Variants in GLMN observed in about 807,000 individuals in gnomAD.
GLMN encodes glomulin.
GLMN carries 75 observed loss-of-function variants against 87.8 expected under a neutral mutation model. The ratio of observed to expected loss-of-function variants is 0.85; its 90% confidence interval spans 0.71 to 1.04. GLMN has a LOEUF of 1.04. Ranked by LOEUF, GLMN falls within the 50% of genes least tolerant of loss-of-function variation. The pLI, the probability that GLMN is intolerant of heterozygous loss-of-function variation, is 0.00. For synonymous variants in GLMN, 206 were observed against 221.6 expected, an observed-to-expected ratio of 0.93 and a Z score of 0.63; for missense variants, 588 against 658.8, an observed-to-expected ratio of 0.89 and a Z score of 1.18.
chr1:92,306,976 T>TG, the GLMN span, among the ~76,000 whole-genome samples: 3 of 152,230 alleles, frequency 2.0e-5, no homozygotes, highest in African/African-American at 7.2e-5. Context: ...TTTATGGTAG[T>TG]GGTTACTTCT....
At chr1:92,259,882 C>T (rs1195331740) in intron 16 of GLMN, among the ~76,000 whole-genome samples, 4 of 151,710 alleles carry the variant, frequency 2.6e-5, no homozygotes, top group African/African-American at 9.7e-5. Context: ...TATAGGCACC[C>T]GCCACCATGC....
chr1:92,342,789 T>C, the GLMN span, among the ~76,000 whole-genome samples: 1 of 152,082 alleles, frequency 6.6e-6, no homozygotes, highest in African/African-American at 2.4e-5. Flanking sequence ...ACCATAAGAT[T>C]TGTGGCCTGA....
At chr1:92,346,119 T>C in the GLMN span, among the ~76,000 whole-genome samples, 1 of 152,170 alleles carries the variant, frequency 6.6e-6, no homozygotes, top group African/African-American at 2.4e-5. Context: ...CCATCTTTTC[T>C]TCTGAATACC....
chr1:92,263,760 G>T, intron 14 of GLMN, 28 bp from the exon 15 acceptor site: 1 of 1,051,150 alleles, frequency 9.5e-7, no homozygotes, highest in Non-Finnish European at 1.5e-6. Context: ...AATTGAGAAA[G>T]CTTTATAATT....
the GLMN span, among the ~76,000 whole-genome samples, chr1:92,305,419 T>G: frequency 3.5e-5 from 2 of 57,306 alleles, no homozygotes; most frequent in Non-Finnish European, 2.8e-5. Flanking sequence ...GGCAACAGAG[T>G]GAGGCTCCGT....
At chr1:92,260,765 G>GAA (rs765865353) in intron 16 of GLMN, among the ~76,000 whole-genome samples, 23,193 of 99,544 alleles carry the variant, frequency 0.23, 3,650 homozygotes, top group East Asian at 0.84. Flanking sequence ...CTTTGAGATG[G>GAA]AAAAAAAAAA....
chr1:92,302,343 A>C (rs947340879), upstream of GLMN, among the ~76,000 whole-genome samples: 7 of 151,248 alleles, frequency 4.6e-5, no homozygotes, highest in Non-Finnish European at 7.4e-5. Flanking sequence ...AAAAAAAAAA[A>C]GAAAAAGCAA....
chr1:92,265,019 T>C (rs563167908), intron 13 of GLMN, among the ~76,000 whole-genome samples: 229 of 152,194 alleles, frequency 1.5e-3, no homozygotes, highest in African/African-American at 5.2e-3. Context: ...TTTTTTGTAT[T>C]TGTAGTAGAA....
the GLMN span, among the ~76,000 whole-genome samples, chr1:92,343,880 G>T: frequency 6.6e-6 from 1 of 152,140 alleles, no homozygotes; most frequent in African/African-American, 2.4e-5. Context: ...TTATTGCAAA[G>T]ATGACATAAG....
chr1:92,251,822 T>G (rs1020014530), intron 16 of GLMN, among the ~76,000 whole-genome samples: 11 of 151,820 alleles, frequency 7.2e-5, no homozygotes, highest in Admixed American at 1.3e-4. Flanking sequence ...AGATGGTGTC[T>G]TCTTGCTCTG....
chr1:92,297,171 CA>C (rs1289485180), intron 3 of GLMN, among the ~76,000 whole-genome samples: 1 of 146,008 alleles, frequency 6.8e-6, no homozygotes, highest in Non-Finnish European at 1.5e-5. Flanking sequence ...AGGCTGGTCT[CA>C]AACTCCTGGG....
chr1:92,338,648 A>AT, the GLMN span, among the ~76,000 whole-genome samples: 70,685 of 142,566 alleles, frequency 0.5, 18,309 homozygotes, highest in East Asian at 0.95. Flanking sequence ...CTGATCATTG[A>AT]TTTTTTTTTT....
intron 7 of GLMN, among the ~76,000 whole-genome samples, chr1:92,271,895 T>C (rs1024298210): frequency 6.6e-6 from 1 of 152,170 alleles, no homozygotes; most frequent in South Asian, 2.1e-4. Flanking sequence ...TCAGTAGATT[T>C]TGAGTTGGGT....
chr1:92,336,051 C>T, the GLMN span, among the ~76,000 whole-genome samples: 1 of 152,086 alleles, frequency 6.6e-6, no homozygotes, highest in Non-Finnish European at 1.5e-5. Flanking sequence ...CCATCTTGGT[C>T]TAATATTTGA....
At chr1:92,271,027 G>A (rs572489224) in intron 8 of GLMN, among the ~76,000 whole-genome samples, 2 of 151,806 alleles carry the variant, frequency 1.3e-5, no homozygotes, top group South Asian at 4.1e-4. Flanking sequence ...AAAGCCACTG[G>A]AGGGTTTTCA....
intron 3 of GLMN, among the ~76,000 whole-genome samples, chr1:92,294,437 C>T (rs1465055577): frequency 6.6e-6 from 1 of 151,978 alleles, no homozygotes; most frequent in Non-Finnish European, 1.5e-5. Flanking sequence ...GTACCAAACA[C>T]TATATATAAA....
chr1:92,320,752 C>A, the GLMN span: 2 of 645,026 alleles, frequency 3.1e-6, no homozygotes, highest in South Asian at 2.6e-5. Flanking sequence ...GTAAGTGTCC[C>A]ATTCTAGCCC....
At chr1:92,362,750 G>A in the GLMN span, among the ~76,000 whole-genome samples, 1 of 151,942 alleles carries the variant, frequency 6.6e-6, no homozygotes, top group African/African-American at 2.4e-5. Context: ...GAGTTTTGAG[G>A]CCCCACATTA....
At chr1:92,298,760 G>A (rs965188641) in intron 1 of GLMN, among the ~76,000 whole-genome samples, 165 bp downstream of exon 1, 4 of 152,126 alleles carry the variant, frequency 2.6e-5, no homozygotes, top group Admixed American at 1.3e-4. Context: ...CCCAGCGCGC[G>A]TGCGGGCTGC....
Sources: gnomAD v4.1 joint callset for allele counts (sites outside exome capture counted in the v4.1 genomes callset) on GRCh38, gnomAD v4.1.1 for gene constraint, MANE v1.5 for transcripts, NCBI Gene and HGNC (gene_info 2026-07-23, HGNC 2026-07-21) for gene names.